Variants in TENM2 observed in about 807,000 individuals in gnomAD.
TENM2 encodes teneurin transmembrane protein 2.
In TENM2, 52 loss-of-function variants were observed where a neutral mutation model predicts 245.2. That is an observed-to-expected ratio of 0.21 (90% confidence interval 0.17 to 0.27). TENM2 has a LOEUF of 0.27. Among genes scored for constraint, TENM2 ranks in the 10% least tolerant of loss-of-function variants. TENM2 has a pLI of 1.00. For missense variants in TENM2, 3,046 were observed against 3,666.8 expected, an observed-to-expected ratio of 0.83 and a Z score of 4.37; for synonymous variants, 1,363 against 1,438.9, an observed-to-expected ratio of 0.95 and a Z score of 1.19.
At position 168,218,755 on chromosome 5, in the gene TENM2, G is replaced by A. The variant is rs757737065; in HGVS notation, c.4864G>A (p.Asp1622Asn). Residue 1622 changes from aspartate to asparagine, a missense_variant, in exon 23 of 29, where the codon GAC (aspartate) becomes AAC (asparagine). Asp to Asn is a conservative substitution (Grantham distance 23). Coordinates refer to ENST00000518659, the Ensembl canonical transcript of TENM2. The surrounding 1 kb of genome is among the most constrained non-coding windows in gnomAD (Gnocchi z 5.2). The stretch of plus-strand genomic sequence containing the variant: ...CTTGTACAATTTCACATATAGTACT[G>A]ACAATGATGTCACTGAATTGATTGA... 1.2e-5 allele frequency: 19 copies of A among 1,613,896 alleles called. No homozygotes were observed. Among genetic ancestry groups the A allele is most frequent in the African/African-American group, 5.3e-5 (4 of 74,930 alleles).
intron 2 of TENM2, among the ~76,000 whole-genome samples, chr5:167,674,098 A>G (rs1756146274): frequency 6.6e-6 from 1 of 152,170 alleles, no homozygotes; most frequent in Non-Finnish European, 1.5e-5. Flanking sequence ...TTTCTCCATT[A>G]CATTCTCTTT....
chr5:167,282,497 A>G (rs1186238154), upstream of TENM2, among the ~76,000 whole-genome samples: 5 of 152,234 alleles, frequency 3.3e-5, no homozygotes, highest in Non-Finnish European at 5.9e-5. Context: ...TTGAGCCCCT[A>G]TGATGTGTTA....
At chr5:167,171,900 G>T in the TENM2 span, among the ~76,000 whole-genome samples, 292 of 152,258 alleles carry the variant, frequency 1.9e-3, 2 homozygotes, top group African/African-American at 6.6e-3. Flanking sequence ...ATGGATCTAG[G>T]GGAGAGAACA....
At chr5:168,097,913 C>A in intron 8 of TENM2, 113 bp from the exon 11 acceptor site, 1 of 712,580 alleles carries the variant, frequency 1.4e-6, no homozygotes, top group Non-Finnish European at 2.5e-6. Context: ...TCCCCTATGA[C>A]AGGCATCTGA....
At chr5:168,232,151 G>A (rs922058887) in intron 25 of TENM2, among the ~76,000 whole-genome samples, 23 of 152,210 alleles carry the variant, frequency 1.5e-4, no homozygotes, top group African/African-American at 5.3e-4. Flanking sequence ...GATAGGAGGA[G>A]AGGGACAGTA....
chr5:167,019,417 G>A, the TENM2 span, among the ~76,000 whole-genome samples: 1 of 152,148 alleles, frequency 6.6e-6, no homozygotes. Context: ...ATTTGGACCT[G>A]TTCATGGAGG....
chr5:168,237,490 C>G lies in TENM2; in HGVS notation c.5521-6930C>G, dbSNP rs903893473. On this transcript the variant is annotated intron_variant, in intron 25 of 28. Transcript: ENST00000518659. ...AGAAAAATAAGATAAAGTCCCGACT[C>G]ACCAGTTCCCAGGCTATTACAGATG... Among the ~76,000 whole-genome samples, 34 of 152,148 alleles carry G rather than the reference C, an allele frequency of 2.2e-4. No individual in the cohort carries two copies. In the Middle Eastern group the frequency reaches 0.024, roughly 107 times the overall value.
chr5:167,000,063 C>T, the TENM2 span, among the ~76,000 whole-genome samples: 1 of 152,012 alleles, frequency 6.6e-6, no homozygotes, highest in Middle Eastern at 3.2e-3. Flanking sequence ...GTGTTAGATG[C>T]TGTAGAGGCA....
intron 2 of TENM2, among the ~76,000 whole-genome samples, chr5:167,767,695 G>C (rs1763125190): frequency 6.6e-6 from 1 of 152,222 alleles, no homozygotes; most frequent in Non-Finnish European, 1.5e-5. Flanking sequence ...GCAATAGAGA[G>C]GCAGAGAATC....
At chr5:167,262,455 G>A in the TENM2 span, among the ~76,000 whole-genome samples, 7 of 151,898 alleles carry the variant, frequency 4.6e-5, no homozygotes, top group Admixed American at 4.6e-4. Context: ...ATGGATGTAT[G>A]AGATCCTAAA....
At chr5:167,459,942 A>G (rs980458843) in intron 2 of TENM2, among the ~76,000 whole-genome samples, 5 of 147,242 alleles carry the variant, frequency 3.4e-5, no homozygotes, top group Non-Finnish European at 3.0e-5. Context: ...ACACGCACAC[A>G]CACACACAAC....
chr5:167,618,610 C>T (rs923351362), intron 2 of TENM2, among the ~76,000 whole-genome samples: 1 of 152,112 alleles, frequency 6.6e-6, no homozygotes, highest in African/African-American at 2.4e-5. Context: ...CTTATAAGTT[C>T]ATTAAGTCTG....
chr5:167,939,990 G>A (rs996452936), intron 3 of TENM2, among the ~76,000 whole-genome samples: 1 of 152,176 alleles, frequency 6.6e-6, no homozygotes, highest in Non-Finnish European at 1.5e-5. Context: ...GGAGGCCTCT[G>A]CTCCCATTAG....
At chr5:168,141,351 C>T (rs1203119304) in intron 12 of TENM2, among the ~76,000 whole-genome samples, 9 of 152,162 alleles carry the variant, frequency 5.9e-5, no homozygotes, top group Admixed American at 5.9e-4. Context: ...ATGCCATAAA[C>T]ATCCTTCAGA....
chr5:168,261,289 C>A (rs1768167248), intron 28 of TENM2, among the ~76,000 whole-genome samples: 1 of 152,162 alleles, frequency 6.6e-6, no homozygotes, highest in African/African-American at 2.4e-5. Flanking sequence ...GTGATTTCAT[C>A]CCCTGCAGAA....
At chr5:167,425,259 A>G (rs1370506179) in intron 2 of TENM2, among the ~76,000 whole-genome samples, 2 of 152,226 alleles carry the variant, frequency 1.3e-5, no homozygotes, top group Admixed American at 6.5e-5. Context: ...AAATAATCCA[A>G]TAAACTGGAA....
At chr5:167,861,661 C>T (rs557225757) in intron 2 of TENM2, among the ~76,000 whole-genome samples, 1 of 152,312 alleles carries the variant, frequency 6.6e-6, no homozygotes, top group East Asian at 1.9e-4. Context: ...GCTGCCGGTT[C>T]CTTTCCAGCT....
intron 2 of TENM2, among the ~76,000 whole-genome samples, chr5:167,618,578 A>G (rs1318679103): frequency 6.6e-6 from 1 of 152,146 alleles, no homozygotes; most frequent in African/African-American, 2.4e-5. Context: ...ATGTCTGTGA[A>G]CAGTGAAAGC....
chr5:167,514,365 T>C (rs1404428724), intron 2 of TENM2, among the ~76,000 whole-genome samples: 1 of 152,166 alleles, frequency 6.6e-6, no homozygotes, highest in Non-Finnish European at 1.5e-5. Context: ...GGGTCAGCAC[T>C]TCCTAAGCTC....
Sources: allele counts gnomAD v4.1 joint callset (sites outside exome capture counted in the v4.1 genomes callset), GRCh38; gene constraint gnomAD v4.1.1; non-coding constraint Gnocchi (gnomAD v3.1); transcripts MANE v1.5; gene names NCBI Gene and HGNC (gene_info 2026-07-23, HGNC 2026-07-21).